DZIP1L: variants seen among roughly 807,000 people sequenced by gnomAD.
DZIP1L encodes the protein DAZ interacting zinc finger protein 1 like.
Under a neutral mutation model 88.7 loss-of-function variants are expected in DZIP1L, and 90 were observed. The ratio of observed to expected loss-of-function variants is 1.02; its 90% CI spans 0.86 to 1.21. The LOEUF (loss-of-function observed/expected upper bound fraction) is 1.21, where lower values mean the gene tolerates loss of function less well. Ranked by LOEUF, DZIP1L falls within the 50% of genes most tolerant of loss-of-function variation. The pLI, the probability that DZIP1L is intolerant of heterozygous loss-of-function variation, is 0.00. For missense variants in DZIP1L, 932 were observed against 955.8 expected (o/e 0.98, Z 0.33); for synonymous variants, 363 against 372.1 (o/e 0.98, Z 0.28).
At chr3:138,090,184 A>G (rs991933168) in intron 5 of DZIP1L, among the ~76,000 whole-genome samples, 3 of 152,052 alleles carry the variant, frequency 2.0e-5, no homozygotes, top group African/African-American at 7.2e-5. Flanking sequence ...AAAAATTAAA[A>G]AAAAGATAGC....
intron 2 of DZIP1L, among the ~76,000 whole-genome samples, chr3:138,100,240 A>C (rs978389041): frequency 3.3e-5 from 5 of 152,206 alleles, no homozygotes; most frequent in African/African-American, 1.2e-4. Flanking sequence ...GCTTGGTGGA[A>C]TCTTATAAAA....
intron 3 of DZIP1L, 123 bp downstream of exon 3, chr3:138,097,640 C>A: frequency 1.1e-6 from 1 of 875,954 alleles, no homozygotes. Flanking sequence ...TCATCCCATC[C>A]CCAATTGGAC....
At chr3:138,114,737 C>T (rs537827293) in intron 1 of DZIP1L, among the ~76,000 whole-genome samples, 2 of 152,224 alleles carry the variant, frequency 1.3e-5, no homozygotes, top group South Asian at 4.1e-4. Flanking sequence ...CAGGCAGCCT[C>T]GGACCCCCTC....
intron 1 of DZIP1L, among the ~76,000 whole-genome samples, chr3:138,104,952 G>A (rs1422844561): frequency 6.6e-6 from 1 of 152,034 alleles, no homozygotes; most frequent in Admixed American, 6.6e-5. Flanking sequence ...AGGTACTTGT[G>A]AAAAAATTGT....
At chr3:138,066,604 C>T (rs1458990340) in intron 14 of DZIP1L, among the ~76,000 whole-genome samples, 1 of 152,068 alleles carries the variant, frequency 6.6e-6, no homozygotes, top group Non-Finnish European at 1.5e-5. Context: ...AGCCTTCCCT[C>T]ATCAGTGCTG....
Position 138,080,582 on chromosome 3 carries a change from C to T in DZIP1L, c.1273G>A (p.Asp425Asn), listed in dbSNP as rs1259172588. The T allele has an allele frequency of 1.9e-6, 3 of 1,613,782 alleles. No individual in the cohort carries two copies. The highest frequency in any genetic ancestry group is 2.5e-6 in the Non-Finnish European group (3 of 1,179,878). ...AAGGTCCCACCTTCCTCTGGAGAGTCCTCCTCTGTGTCCACAGCCTTTGGC... is the reference window on the plus strand; with the variant it reads ...AAGGTCCCACCTTCCTCTGGAGAGTTCTCCTCTGTGTCCACAGCCTTTGGC... ...KVPKAVDTEE[D>N]SPEEEMEDSQ... Residue 425 changes from aspartate (D) to asparagine (N), a missense_variant, in exon 10 of 16, where the codon GAC becomes AAC. Physicochemically the swap from Asp to Asn is conservative, Grantham distance 23. Transcript: ENST00000327532.
intron 14 of DZIP1L, among the ~76,000 whole-genome samples, chr3:138,066,486 A>G (rs1942908307): frequency 6.6e-6 from 1 of 152,216 alleles, no homozygotes; most frequent in African/African-American, 2.4e-5. Flanking sequence ...ATTAACTTCA[A>G]AAACATCATA....
intron 15 of DZIP1L, 82 bp downstream of exon 15, chr3:138,064,546 C>T (rs753787962): frequency 4.3e-6 from 7 of 1,613,384 alleles, no homozygotes; most frequent in Non-Finnish European, 5.9e-6. Context: ...GGGCCCTCCC[C>T]AACCTTCACC....
chr3:138,070,704 A>T (rs1370202978), intron 12 of DZIP1L, among the ~76,000 whole-genome samples: 2 of 152,150 alleles, frequency 1.3e-5, no homozygotes, highest in African/African-American at 2.4e-5. Flanking sequence ...ACTCTGCAAA[A>T]TTTTTTTGCA....
chr3:138,097,635 C>T lies in DZIP1L; in HGVS notation c.586+128G>A. 3 of 835,302 alleles carry T rather than the reference C, an allele frequency of 3.6e-6. No individual in the cohort carries two copies. In the African/African-American group the frequency reaches 5.1e-5, roughly 14 times the overall value. The allele number at this position is 835,302 out of a possible 1,614,324, so 51.7% of individuals were successfully genotyped here. ...CCCGGTGGTGGATGGTGGGATCATC[C>T]CATCCCCAATTGGACAGTGAGGTTC... On this transcript the variant is annotated intron_variant, in intron 3 of 15. Coordinates refer to ENST00000327532, the MANE Select transcript of DZIP1L (RefSeq NM_173543.3).
chr3:138,074,582 T>G (rs1943318552), intron 11 of DZIP1L, among the ~76,000 whole-genome samples: 1 of 152,154 alleles, frequency 6.6e-6, no homozygotes, highest in Non-Finnish European at 1.5e-5. Flanking sequence ...CTTTTTTAAT[T>G]TATTTTTTTA....
chr3:138,071,341 G>T (rs11920757), intron 12 of DZIP1L, among the ~76,000 whole-genome samples: 3,246 of 152,268 alleles, frequency 0.021, 117 homozygotes, highest in African/African-American at 0.074. Context: ...CAGAATGAAG[G>T]TGCTAAGGGA....
chr3:138,107,193 A>G (rs1427334292), intron 1 of DZIP1L, among the ~76,000 whole-genome samples: 1 of 152,224 alleles, frequency 6.6e-6, no homozygotes, highest in Non-Finnish European at 1.5e-5. Context: ...TTGAAAACTC[A>G]ATCCCCAATG....
At chr3:138,077,933 C>A (rs753751213) in intron 10 of DZIP1L, among the ~76,000 whole-genome samples, 3 of 152,186 alleles carry the variant, frequency 2.0e-5, no homozygotes, top group Non-Finnish European at 2.9e-5. Context: ...ATAGACAGAT[C>A]GCTGCTCCCT....
rs6776890 is a variant in DZIP1L at position 138,068,213 on chromosome 3, G to C, written c.1770C>G (p.Pro590=). 9 of 1,591,388 alleles carry C rather than the reference G, an allele frequency of 5.7e-6. No homozygotes were observed. The highest frequency in any genetic ancestry group is 2.3e-5 in the East Asian group (1 of 43,886). ...HGSSLTQVSA[P]APRPGLHGPS... ...GTCCATGCAGTCCGGGGCGTGGAGCGGGGGCGGACACCTGGGTCAGGCTGG... is the reference window on the plus strand; with the variant it reads ...GTCCATGCAGTCCGGGGCGTGGAGCCGGGGCGGACACCTGGGTCAGGCTGG... Residue 590 remains proline (P), a synonymous_variant, in exon 13 of 16, where the codon CCC becomes CCG. Coordinates refer to ENST00000327532, the MANE Select transcript of DZIP1L (RefSeq NM_173543.3).
At position 138,082,759 on chromosome 3, in the gene DZIP1L, T is replaced by C. The variant is rs112914637; in HGVS notation, c.1204-995A>G. On this transcript the variant is annotated intron_variant, in intron 8 of 15. Transcript: ENST00000327532. ...CTCTACTCCAAACTGCAAAACTAGT[T>C]GTTTACTTTCCCAGCCTTTTTTGCA... 8.2e-3 allele frequency among the ~76,000 whole-genome samples: 1,249 copies of C among 152,360 alleles called. 18 individuals are homozygous for C. The highest frequency in any genetic ancestry group is 0.029 in the African/African-American group (1,210 of 41,578).
chr3:138,073,526 A>G (rs1289611680), intron 11 of DZIP1L, among the ~76,000 whole-genome samples: 1 of 152,162 alleles, frequency 6.6e-6, no homozygotes, highest in African/African-American at 2.4e-5. Flanking sequence ...AGAGCACTAC[A>G]TCAAGGGAGC....
intron 7 of DZIP1L, among the ~76,000 whole-genome samples, chr3:138,085,300 A>AGG (rs1943873324): frequency 6.6e-6 from 1 of 152,208 alleles, no homozygotes; most frequent in Non-Finnish European, 1.5e-5. Flanking sequence ...AAAAGAAACT[A>AGG]CCATCAGAGT....
chr3:138,064,877 G>T, intron 14 of DZIP1L, 110 bp from the exon 15 acceptor site: 1 of 1,466,644 alleles, frequency 6.8e-7, no homozygotes. Context: ...TGAGCAGAAG[G>T]GCCAGGAGGA....
Sources: allele counts gnomAD v4.1 joint callset (sites outside exome capture counted in the v4.1 genomes callset), GRCh38; gene constraint gnomAD v4.1.1; transcripts MANE v1.5; gene names NCBI Gene and HGNC (gene_info 2026-07-23, HGNC 2026-07-21).